The following MYLK variants were observed in gnomAD, a reference collection of about 807,000 sequenced individuals.
The protein encoded by MYLK is myosin light chain kinase, smooth muscle.
In MYLK, 106 loss-of-function variants were observed where a neutral mutation model predicts 203.4. The observed-to-expected ratio is 0.52, with a 90% CI of 0.45 to 0.61. MYLK has a LOEUF of 0.61. Among genes scored for constraint, MYLK ranks in the 20% least tolerant of loss-of-function variants. The pLI, the probability that MYLK is intolerant of heterozygous loss-of-function variation, is 0.00. For synonymous variants in MYLK, 867 were observed against 959.5 expected (o/e 0.90, Z 1.78); for missense variants, 2,072 against 2,442.3 (o/e 0.85, Z 3.20).
chr3:123,822,439 T>C (rs1382835986), intron 3 of MYLK, among the ~76,000 whole-genome samples: 2 of 152,220 alleles, frequency 1.3e-5, no homozygotes, highest in South Asian at 2.1e-4. Flanking sequence ...TGTAAGAACC[T>C]GAACTGGTAG....
chr3:123,629,467 T>C lies in MYLK; in HGVS notation c.5114+7A>G, dbSNP rs1553774672. On this transcript the variant is annotated splice_region_variant and intron_variant, in intron 30 of 33. Coordinates refer to ENST00000360304, the MANE Select transcript of MYLK (RefSeq NM_053025.4). This position sits in a 1 kb window ranked among gnomAD's most constrained non-coding sequence, Gnocchi z 4.4. ...GGGAAGCAAAGACTGAAATCCCAAC[T>C]CATTACTTCATATCTTTCTTCAGCA... 1.6e-5 allele frequency: 26 copies of C among 1,614,122 alleles called. No individual in the cohort carries two copies. Among genetic ancestry groups the C allele is most frequent in the Non-Finnish European group, 2.0e-5 (24 of 1,180,004 alleles).
chr3:123,708,677 C>G (rs756556904), intron 15 of MYLK, 21 bp downstream of exon 15: 1 of 1,613,496 alleles, frequency 6.2e-7, no homozygotes, highest in South Asian at 1.1e-5. Context: ...TTCCCACTCG[C>G]TCTGAGTGGG....
chr3:123,851,846 G>T (rs1045644937), intron 2 of MYLK, among the ~76,000 whole-genome samples: 60 of 152,216 alleles, frequency 3.9e-4, no homozygotes, highest in Admixed American at 8.5e-4. Context: ...AATGCTTCCA[G>T]TTTTTGCCCA....
intron 18 of MYLK, among the ~76,000 whole-genome samples, chr3:123,696,266 G>C (rs2060921294): frequency 6.6e-6 from 1 of 152,132 alleles, no homozygotes; most frequent in Admixed American, 6.5e-5. Context: ...ACAGGTTGAT[G>C]GGGAGGGGAC....
intron 24 of MYLK, among the ~76,000 whole-genome samples, chr3:123,653,301 A>G (rs2059279753): frequency 6.6e-6 from 1 of 152,070 alleles, no homozygotes; most frequent in Non-Finnish European, 1.5e-5. Flanking sequence ...TTCCCTCTTC[A>G]GCAGAGGGAT....
intron 11 of MYLK, among the ~76,000 whole-genome samples, chr3:123,726,597 A>G (rs375358567): frequency 1.8e-4 from 27 of 152,282 alleles, no homozygotes; most frequent in African/African-American, 6.0e-4. Context: ...GAACTGAATC[A>G]TAGGACTCAC....
At chr3:123,750,484 A>G (rs962366953) in intron 5 of MYLK, among the ~76,000 whole-genome samples, 1 of 152,168 alleles carries the variant, frequency 6.6e-6, no homozygotes, top group Admixed American at 6.5e-5. Context: ...CATATTATCT[A>G]GGTTTTATAT....
At chr3:123,793,355 G>A (rs2064857290) in intron 4 of MYLK, among the ~76,000 whole-genome samples, 1 of 152,000 alleles carries the variant, frequency 6.6e-6, no homozygotes, top group Non-Finnish European at 1.5e-5. Flanking sequence ...ATAAACCCAA[G>A]CTGTATTCTT....
rs1019001915 is a variant in MYLK at position 123,610,535 on chromosome 3, C to G, written c.*3570G>C. On this transcript the variant is annotated 3_prime_UTR_variant, in exon 34 of 34. Coordinates refer to ENST00000360304, the MANE Select transcript of MYLK (RefSeq NM_053025.4). The stretch of plus-strand genomic sequence containing the variant: ...GGTCCCGAGGGTACATACATCACTT[C>G]TGGTCACAGCTCACTGACTAGGACT... 1 of 152,202 alleles carries G rather than the reference C, an allele frequency of 6.6e-6. No homozygotes were observed. The highest frequency in any genetic ancestry group is 2.4e-5 in the African/African-American group (1 of 41,430). The allele number at this position is 152,202 out of a possible 1,614,324, so 9.4% of individuals were successfully genotyped here.
intron 13 of MYLK, among the ~76,000 whole-genome samples, chr3:123,719,863 C>T (rs1343143644): frequency 2.6e-5 from 4 of 152,192 alleles, no homozygotes; most frequent in Admixed American, 6.5e-5. Context: ...GGATCCAGAG[C>T]CAACGGGGCT....
chr3:123,651,210 A>G (rs1004192555), intron 24 of MYLK, among the ~76,000 whole-genome samples: 3 of 152,198 alleles, frequency 2.0e-5, no homozygotes, highest in African/African-American at 7.2e-5. Context: ...CTTTTCATCA[A>G]CTCATGACTA....
At chr3:123,794,077 CGAT>C (rs987173280) in intron 3 of MYLK, among the ~76,000 whole-genome samples, 52 of 152,370 alleles carry the variant, frequency 3.4e-4, no homozygotes, top group African/African-American at 1.2e-3. Context: ...GTTCCCAGGG[CGAT>C]GCCCTGCCTC....
At chr3:123,784,376 CTTTTTTTTTTTTTT>C (rs576849217) in intron 4 of MYLK, among the ~76,000 whole-genome samples, 2 of 78,662 alleles carry the variant, frequency 2.5e-5, no homozygotes, top group East Asian at 4.5e-4. Flanking sequence ...GGTTGACTTT[CTTTTTTTTTTTTTT>C]TTTTTTTTTT....
chr3:123,882,768 G>A (rs2033624251), intron 1 of MYLK, among the ~76,000 whole-genome samples: 1 of 152,186 alleles, frequency 6.6e-6, no homozygotes, highest in Non-Finnish European at 1.5e-5. Context: ...GGCCCACTGA[G>A]AGTGGGAGAA....
chr3:123,705,702 A>C (rs1292868073), intron 16 of MYLK, among the ~76,000 whole-genome samples: 1 of 151,954 alleles, frequency 6.6e-6, no homozygotes, highest in Non-Finnish European at 1.5e-5. Flanking sequence ...GGCCTGGCAA[A>C]CTTCCCACAG....
chr3:123,739,430 G>A (rs1302791925), intron 6 of MYLK, among the ~76,000 whole-genome samples: 8 of 152,186 alleles, frequency 5.3e-5, no homozygotes, highest in Non-Finnish European at 8.8e-5. Context: ...GCAGTCTCTC[G>A]TCCACTCTGC....
At chr3:123,639,257 AGC>A (rs1384804420) in intron 28 of MYLK, among the ~76,000 whole-genome samples, 1 of 152,332 alleles carries the variant, frequency 6.6e-6, no homozygotes, top group Non-Finnish European at 1.5e-5. Flanking sequence ...ACATGCGCCC[AGC>A]GCCGAGGCAT....
intron 20 of MYLK, among the ~76,000 whole-genome samples, chr3:123,674,374 T>A (rs2108398221): frequency 6.6e-6 from 1 of 152,338 alleles, no homozygotes; most frequent in South Asian, 2.1e-4. Flanking sequence ...CAAAGTGATC[T>A]TTCTCAAATG....
At chr3:123,813,090 C>G (rs2065616166) in intron 3 of MYLK, among the ~76,000 whole-genome samples, 1 of 152,222 alleles carries the variant, frequency 6.6e-6, no homozygotes, top group Non-Finnish European at 1.5e-5. Context: ...ACAGAGCCCA[C>G]TCAGGCCAAG....
Sources: allele counts gnomAD v4.1 joint callset (sites outside exome capture counted in the v4.1 genomes callset), GRCh38; gene constraint gnomAD v4.1.1; non-coding constraint Gnocchi (gnomAD v3.1); transcripts MANE v1.5; gene names NCBI Gene and HGNC (gene_info 2026-07-23, HGNC 2026-07-21).